Variants in FSIP2 observed in about 807,000 individuals in gnomAD.
FSIP2 encodes fibrous sheath-interacting protein 2.
In FSIP2, 367 loss-of-function variants were observed where a neutral mutation model predicts 510.5. The ratio of observed to expected loss-of-function variants is 0.72; its 90% CI spans 0.66 to 0.78. The LOEUF is 0.78. Among genes scored for constraint, FSIP2 ranks in the 30% least tolerant of loss-of-function variants. FSIP2 has a pLI of 0.00. For synonymous variants in FSIP2, 2,601 were observed against 2,732.2 expected (o/e 0.95, Z 1.50); for missense variants, 7,594 against 7,901.7 (o/e 0.96, Z 1.48).
At chr2:185,770,814 G>C (rs1360404947) in intron 13 of FSIP2, among the ~76,000 whole-genome samples, 1 of 152,100 alleles carries the variant, frequency 6.6e-6, no homozygotes, top group Non-Finnish European at 1.5e-5. Context: ...TTTAATTTGA[G>C]ACTTAATGTA....
chr2:185,794,530 T>C lies in FSIP2; in HGVS notation c.7394T>C (p.Leu2465Ser). Residue 2465 changes from leucine (L) to serine (S), a missense_variant, in exon 16 of 23, where the codon TTG (leucine) becomes TCG (serine). Physicochemically the swap from Leu to Ser is moderately radical, Grantham distance 145 (BLOSUM62 -2). Transcript: ENST00000424728. Reference protein sequence around the residue: ...ILENKRQIIVLEEIFMRNGES... With the variant: ...ILENKRQIIVSEEIFMRNGES... The stretch of plus-strand genomic sequence containing the variant: ...GAAAACAAAAGGCAGATAATTGTTT[T>C]GGAAGAAATATTTATGAGAAATGGA... 4 of 1,529,786 alleles carry C rather than the reference T, an allele frequency of 2.6e-6. No individual in the cohort carries two copies. The highest frequency in any genetic ancestry group is 3.5e-6 in the Non-Finnish European group (4 of 1,144,532). The allele number at this position is 1,529,786 out of a possible 1,614,324, so 94.8% of individuals were successfully genotyped here.
Position 185,800,694 on chromosome 2 carries a change from T to G in FSIP2, c.11388T>G (p.Ser3796Arg). The change falls in exon 17 of 23, where the codon AGT becomes AGG. Residue 3796 changes from serine (S) to arginine (R), a missense_variant. Ser to Arg is a moderately radical substitution (Grantham distance 110, BLOSUM62 -1). Transcript: ENST00000424728. ...EECQLLKMLQ[S>R]VEDGKSDYRK... The stretch of plus-strand genomic sequence containing the variant: ...GTCAACTTTTAAAAATGCTTCAAAG[T>G]GTAGAAGATGGAAAATCTGATTATC... The G allele has an allele frequency of 6.5e-7, 1 of 1,534,056 alleles. No homozygotes were observed. Among genetic ancestry groups the G allele is most frequent in the Non-Finnish European group, 8.7e-7 (1 of 1,145,548 alleles).
At chr2:185,824,862 C>T (rs1370151615) in intron 20 of FSIP2, among the ~76,000 whole-genome samples, 1 of 151,770 alleles carries the variant, frequency 6.6e-6, no homozygotes, top group Non-Finnish European at 1.5e-5. Context: ...AATTTATTCC[C>T]TCATATTAAA....
At chr2:185,739,176 G>T in intron 1 of FSIP2, 170 bp from the exon 2 acceptor site, 1 of 1,132,758 alleles carries the variant, frequency 8.8e-7, no homozygotes, top group Non-Finnish European at 1.2e-6. Context: ...ACTGGCAGGC[G>T]CGGGACGCCA....
chr2:185,799,852 G>C lies in FSIP2; in HGVS notation c.10546G>C (p.Asp3516His), dbSNP rs1255415126. ...TTACCATTTAACTTCGAGCATTTCT[G>C]ATGGCACCAAAAAGGGTAGAGAAAA... ...VLYHLTSSIS[D>H]GTKKGREKEK... The change falls in exon 17 of 23, where the codon GAT becomes CAT. Residue 3516 changes from aspartate to histidine, a missense_variant. Coordinates refer to ENST00000424728, the MANE Select transcript of FSIP2 (RefSeq NM_173651.4). 6.5e-7 allele frequency: 1 copy of C among 1,532,902 alleles called. No homozygotes were observed. Among genetic ancestry groups the C allele is most frequent in the African/African-American group, 1.4e-5 (1 of 72,778 alleles). 95.0% of individuals were successfully genotyped at this position (1,532,902 alleles called of 1,614,324 possible). A position where few individuals can be genotyped will look rare whatever the true frequency, so the allele number is the denominator to read the frequency against.
chr2:185,769,060 C>A (rs1396171430), intron 13 of FSIP2, among the ~76,000 whole-genome samples: 2 of 152,118 alleles, frequency 1.3e-5, no homozygotes, highest in African/African-American at 4.8e-5. Context: ...GATTCCATGT[C>A]TTTGCTATTG....
At position 185,789,209 on chromosome 2, in the gene FSIP2, T is replaced by TTTTTAATTAACTTTAATGTTAATTAAA. The variant is rs1276449165; in HGVS notation, c.2073_2074insTTTTAATTAACTTTAATGTTAATTAAA (p.Asn691_Val692insPheTer). On this transcript the variant is annotated stop_gained and inframe_insertion, in exon 16 of 23. Transcript: ENST00000424728. LOFTEE classifies it high-confidence loss of function. ...TGGATGAAATGAAGAATTTAAAAAA[T>TTTTTAATTAACTTTAATGTTAATTAAA]GTTTTTGTTAACTTTAAATGTTACT... 3 of 1,534,388 alleles carry TTTTTAATTAACTTTAATGTTAATTAAA rather than the reference T, an allele frequency of 2.0e-6. No homozygotes were observed. The South Asian group carries it at 3.6e-5, about 18-fold the overall frequency.
rs1413813753 is a variant in FSIP2, at chr2:185,797,181, A to G, written c.10045A>G (p.Thr3349Ala). ...SSCGFPSQPHTNENREIMKPF... is the reference protein window; with the variant it reads ...SSCGFPSQPHANENREIMKPF... ...CTGTGGCTTTCCAAGTCAACCACACACTAATGAGAACAGGGAAATAATGAA... is the reference window on the plus strand; with the variant it reads ...CTGTGGCTTTCCAAGTCAACCACACGCTAATGAGAACAGGGAAATAATGAA... The change falls in exon 16 of 23, where the codon ACT (threonine) becomes GCT (alanine). Residue 3349 changes from threonine to alanine, a missense_variant. Physicochemically the swap from Thr to Ala is moderately conservative, Grantham distance 58 (BLOSUM62 0). Coordinates refer to ENST00000424728, the MANE Select transcript of FSIP2 (RefSeq NM_173651.4). 6 of 1,535,060 alleles carry G rather than the reference A, an allele frequency of 3.9e-6. No individual in the cohort carries two copies. The highest frequency in any genetic ancestry group is 5.2e-6 in the Non-Finnish European group (6 of 1,146,248).
intron 13 of FSIP2, among the ~76,000 whole-genome samples, chr2:185,780,072 C>CAAAAA (rs555770165): frequency 7.5e-6 from 1 of 133,504 alleles, no homozygotes; most frequent in Non-Finnish European, 1.6e-5. Flanking sequence ...CACTCCATCT[C>CAAAAA]AAAAAAAAAA....
At position 185,790,902 on chromosome 2, in the gene FSIP2, G is replaced by A; in HGVS notation, c.3766G>A (p.Val1256Ile). 3 of 1,529,496 alleles carry A rather than the reference G, an allele frequency of 2.0e-6. No individual in the cohort carries two copies. Among genetic ancestry groups the A allele is most frequent in the Non-Finnish European group, 1.7e-6 (2 of 1,144,108 alleles). The allele number at this position is 1,529,496 out of a possible 1,614,324, so 94.7% of individuals were successfully genotyped here. ...ATCTGGAAAAAGTGAACCTAAACCT[G>A]TAGATGACATTAATGATAAGATCAT... is the stretch of plus-strand genomic sequence containing the variant. Reference protein sequence around the residue: ...LKSGKSEPKPVDDINDKIIRT... With the variant: ...LKSGKSEPKPIDDINDKIIRT... The change falls in exon 16 of 23, where the codon GTA (valine) becomes ATA (isoleucine). Residue 1256 changes from valine to isoleucine, a missense_variant. Coordinates refer to ENST00000424728, the MANE Select transcript of FSIP2 (RefSeq NM_173651.4).
intron 13 of FSIP2, among the ~76,000 whole-genome samples, chr2:185,771,216 T>C (rs1388383578): frequency 6.6e-6 from 1 of 152,148 alleles, no homozygotes; most frequent in African/African-American, 2.4e-5. Context: ...CTGGAGTGCA[T>C]TGGTCCTGTT....
At position 185,807,031 on chromosome 2, in the gene FSIP2, G is replaced by T; in HGVS notation, c.17725G>T (p.Asp5909Tyr). The T allele has an allele frequency of 6.3e-7, 1 of 1,595,710 alleles. No individual in the cohort carries two copies. The highest frequency in any genetic ancestry group is 8.5e-7 in the Non-Finnish European group (1 of 1,174,036). ...TTCTTCAGATAAGATACCATCAATT[G>T]ACAAAACATTGGTCAATAAAGTTGT... ...KPSSDKIPSI[D>Y]KTLVNKVVHS... Residue 5909 changes from aspartate (D) to tyrosine (Y), a missense_variant, in exon 17 of 23, where the codon GAC becomes TAC. Coordinates refer to ENST00000424728, the MANE Select transcript of FSIP2 (RefSeq NM_173651.4).
In FSIP2 at chr2:185,803,648, C is replaced by T; in HGVS notation, c.14342C>T (p.Ala4781Val). 1 of 1,529,038 alleles carries T rather than the reference C, an allele frequency of 6.5e-7. No homozygotes were observed. The highest frequency in any genetic ancestry group is 8.7e-7 in the Non-Finnish European group (1 of 1,143,224). The allele number at this position is 1,529,038 out of a possible 1,614,324, so 94.7% of individuals were successfully genotyped here. A position where few individuals can be genotyped will look rare whatever the true frequency, so the allele number is the denominator to read the frequency against. Residue 4781 changes from alanine (A) to valine (V), a missense_variant, in exon 17 of 23, where the codon GCT becomes GTT. Physicochemically the swap from Ala to Val is moderately conservative, Grantham distance 64. Transcript: ENST00000424728. Reference sequence around the variant, plus strand: ...AGTAAATCAAGATTCCAAAGACAAGCTTCAACAATGTATACCACTATGTTA... The same window carrying T: ...AGTAAATCAAGATTCCAAAGACAAGTTTCAACAATGTATACCACTATGTTA... ...DISKSRFQRQ[A>V]STMYTTMLSH...
Position 185,805,982 on chromosome 2 carries a change from T to TTAA in FSIP2, c.16684_16686dup (p.Asn5562dup). The TTAA allele has an allele frequency of 6.4e-7, 1 of 1,560,602 alleles. No individual in the cohort carries two copies. Among genetic ancestry groups the TTAA allele is most frequent in the Non-Finnish European group, 8.6e-7 (1 of 1,157,450 alleles). On this transcript the variant is annotated inframe_insertion, in exon 17 of 23. Coordinates refer to ENST00000424728, the MANE Select transcript of FSIP2 (RefSeq NM_173651.4). The stretch of plus-strand genomic sequence containing the variant: ...CAGGAGCCAAATTTGAGTGAAACAT[T>TTAA]TAATAATAATGAAATTGAGAAGAAA...
chr2:185,786,227 C>T, intron 14 of FSIP2, 25 bp from the exon 15 acceptor site: 1 of 1,482,464 alleles, frequency 6.7e-7, no homozygotes, highest in Non-Finnish European at 9.0e-7. Flanking sequence ...TATGTAATAA[C>T]TAAATGATCA....
At chr2:185,797,657 G>A in intron 16 of FSIP2, 131 bp downstream of exon 16, 1 of 836,892 alleles carries the variant, frequency 1.2e-6, no homozygotes, top group Non-Finnish European at 1.9e-6. Flanking sequence ...GGAGGTAGAT[G>A]ACTACTGAGT....
intron 11 of FSIP2, 56 bp downstream of exon 11, chr2:185,762,073 T>C (rs1692363400): frequency 3.8e-6 from 3 of 788,798 alleles, no homozygotes; most frequent in Admixed American, 5.1e-5. Flanking sequence ...CAATTATAGT[T>C]TTATTATATA....
Position 185,828,200 on chromosome 2 carries a change from G to GT in FSIP2, c.20517+2dup. On this transcript the variant is annotated splice_donor_variant, in intron 21 of 22. Transcript: ENST00000424728. LOFTEE classifies it high-confidence loss of function. ...GCCAGAGCATGGAAACAGTGTTAAGGTAAGTATTTTTAACTAGCCTTAGTT... is the reference window on the plus strand; with the variant it reads ...GCCAGAGCATGGAAACAGTGTTAAGGTTAAGTATTTTTAACTAGCCTTAGTT... The GT allele has an allele frequency of 4.5e-6, 7 of 1,557,658 alleles. No individual in the cohort carries two copies. In the East Asian group the frequency reaches 1.6e-4, roughly 35 times the overall value.
Position 185,805,683 on chromosome 2 carries a change from G to T in FSIP2, c.16377G>T (p.Met5459Ile). The T allele has an allele frequency of 6.2e-7, 1 of 1,610,536 alleles. No homozygotes were observed. The highest frequency in any genetic ancestry group is 1.1e-5 in the South Asian group (1 of 90,702). Reference sequence around the variant, plus strand: ...CCACCCCAGATTGCAAAAACATGATGAGCACTTTGGAAATAAATAGAGGTA... The same window carrying T: ...CCACCCCAGATTGCAAAAACATGATTAGCACTTTGGAAATAAATAGAGGTA... Reference protein sequence around the residue: ...TSSTPDCKNMMSTLEINRGTM... With the variant: ...TSSTPDCKNMISTLEINRGTM... The change falls in exon 17 of 23, where the codon ATG becomes ATT. Residue 5459 changes from methionine (M) to isoleucine (I), a missense_variant. Transcript: ENST00000424728.
Sources: gnomAD v4.1 joint callset for allele counts (sites outside exome capture counted in the v4.1 genomes callset) on GRCh38, gnomAD v4.1.1 for gene constraint, MANE v1.5 for transcripts, NCBI Gene and HGNC (gene_info 2026-07-23, HGNC 2026-07-21) for gene names.